Variants in TLCD2 observed in about 807,000 individuals in gnomAD.
TLCD2 encodes the protein TLC domain containing 2.
Under a neutral mutation model 14.0 loss-of-function variants are expected in TLCD2, and 12 were observed. That is an observed-to-expected ratio of 0.86 (90% confidence interval 0.55 to 1.39). The LOEUF is 1.39. Ranked by LOEUF, TLCD2 falls within the 40% of genes most tolerant of loss-of-function variation. TLCD2 has a pLI of 0.00. For synonymous variants in TLCD2, 166 were observed against 156.5 expected (o/e 1.06, Z -0.45); for missense variants, 360 against 346.8 (o/e 1.04, Z -0.30).
At position 1,707,475 on chromosome 17, in the gene TLCD2, A is replaced by C. The variant is rs1027855126; in HGVS notation, c.*295T>G. The stretch of plus-strand genomic sequence containing the variant: ...TCCACTGGCAGTTTCTTCCAGCTGC[A>C]TGCCTCCTGCCACCCTTTACTGATA... On this transcript the variant is annotated 3_prime_UTR_variant, in exon 4 of 4. Coordinates refer to ENST00000330676, the MANE Select transcript of TLCD2 (RefSeq NM_001164407.2). 2 of 379,536 alleles carry C rather than the reference A, an allele frequency of 5.3e-6. No homozygotes were observed. The highest frequency in any genetic ancestry group is 9.5e-6 in the Non-Finnish European group (2 of 211,420). The allele number at this position is 379,536 out of a possible 1,614,324, so 23.5% of individuals were successfully genotyped here. A position where few individuals can be genotyped will look rare whatever the true frequency, so the allele number is the denominator to read the frequency against.
In TLCD2 at chr17:1,710,268, G is replaced by A; in HGVS notation, c.-26C>T. ...GGCCTGGCGGTTGGGGGGTTGCGGG[G>A]AGTCCGGGTCGGTCCCCTCGGCGCC... On this transcript the variant is annotated 5_prime_UTR_variant, in exon 1 of 4. Transcript: ENST00000330676. The surrounding 1 kb of genome is among the most constrained non-coding windows in gnomAD (Gnocchi z 6.1). The A allele has an allele frequency of 6.7e-7, 1 of 1,501,420 alleles. No individual in the cohort carries two copies. The highest frequency in any genetic ancestry group is 8.8e-7 in the Non-Finnish European group (1 of 1,132,858). The allele number at this position is 1,501,420 out of a possible 1,614,324, so 93.0% of individuals were successfully genotyped here. A position where few individuals can be genotyped will look rare whatever the true frequency, so the allele number is the denominator to read the frequency against.
Position 1,704,240 on chromosome 17 carries a change from AAAG to A in TLCD2, c.*3527_*3529del, listed in dbSNP as rs1555558338. ...AACTGTCTCAAAAAAAAAAAAAAAA[AAAG>A]AAGAAAAGAAAGAAAAAAGAAAATT... is the stretch of plus-strand genomic sequence containing the variant. On this transcript the variant is annotated 3_prime_UTR_variant, in exon 4 of 4. Coordinates refer to ENST00000330676, the MANE Select transcript of TLCD2 (RefSeq NM_001164407.2). The A allele has an allele frequency of 6.7e-6, 1 of 148,162 alleles. No homozygotes were observed. The highest frequency in any genetic ancestry group is 1.5e-5 in the Non-Finnish European group (1 of 67,228). The allele number at this position is 148,162 out of a possible 1,614,324, so 9.2% of individuals were successfully genotyped here. A position where few individuals can be genotyped will look rare whatever the true frequency, so the allele number is the denominator to read the frequency against.
intron 3 of TLCD2, among the ~76,000 whole-genome samples, chr17:1,708,605 G>A (rs1914117529): frequency 6.7e-6 from 1 of 149,324 alleles, no homozygotes; most frequent in Non-Finnish European, 1.5e-5. Context: ...TCCTGCCTCA[G>A]CTTCCAGAGT....
At chr17:1,708,934 C>A (rs992325166) in intron 3 of TLCD2, among the ~76,000 whole-genome samples, 1 of 151,886 alleles carries the variant, frequency 6.6e-6, no homozygotes, top group African/African-American at 2.4e-5. Context: ...ATGGTGGGTG[C>A]CCTTGTATGG....
Position 1,709,816 on chromosome 17 carries a change from C to T in TLCD2, c.247G>A (p.Ala83Thr). 6.5e-7 allele frequency: 1 copy of T among 1,532,414 alleles called. No individual in the cohort carries two copies. Among genetic ancestry groups the T allele is most frequent in the Middle Eastern group, 1.7e-4 (1 of 5,920 alleles). 94.9% of individuals were successfully genotyped at this position (1,532,414 alleles called of 1,614,324 possible). A position where few individuals can be genotyped will look rare whatever the true frequency, so the allele number is the denominator to read the frequency against. ...CCTGCAGACTCACCCACAGACACAGCCACCAGCACCAGAGCCCAGCGCGGG... is the reference window on the plus strand; with the variant it reads ...CCTGCAGACTCACCCACAGACACAGTCACCAGCACCAGAGCCCAGCGCGGG... ...GHPRWALVLV[A>T]VSVGYFLADG... Residue 83 changes from alanine (A) to threonine (T), a missense_variant, in exon 2 of 4, where the codon GCT becomes ACT. Ala to Thr is a moderately conservative substitution (Grantham distance 58, BLOSUM62 0). Transcript: ENST00000330676.
rs1259148041 is a variant in TLCD2 at position 1,707,140 on chromosome 17, C to T, written c.*630G>A. Reference sequence around the variant, plus strand: ...CGAAATCGTGCCACTACACTCCAGCCTGGGTGACAGAGTAAGATTCCGTCT... The same window carrying T: ...CGAAATCGTGCCACTACACTCCAGCTTGGGTGACAGAGTAAGATTCCGTCT... On this transcript the variant is annotated 3_prime_UTR_variant, in exon 4 of 4. Transcript: ENST00000330676. The T allele has an allele frequency of 2.0e-5, 3 of 151,822 alleles. No individual in the cohort carries two copies. Among genetic ancestry groups the T allele is most frequent in the African/African-American group, 7.3e-5 (3 of 41,262 alleles). The allele number at this position is 151,822 out of a possible 1,614,324, so 9.4% of individuals were successfully genotyped here. A position where few individuals can be genotyped will look rare whatever the true frequency, so the allele number is the denominator to read the frequency against.
chr17:1,706,265 C>G lies in TLCD2; in HGVS notation c.*1505G>C, dbSNP rs1044808300. 3.3e-5 allele frequency: 5 copies of G among 152,400 alleles called. No individual in the cohort carries two copies. Among genetic ancestry groups the G allele is most frequent in the Admixed American group, 2.6e-4 (4 of 15,274 alleles). The allele number at this position is 152,400 out of a possible 1,614,324, so 9.4% of individuals were successfully genotyped here. The stretch of plus-strand genomic sequence containing the variant: ...CTGGGATTACAGGCGTGAGCTGCTG[C>G]GCCCAGCCAGAGGGCCAGCTATTCC... On this transcript the variant is annotated 3_prime_UTR_variant, in exon 4 of 4. Transcript: ENST00000330676.
At position 1,709,564 on chromosome 17, in the gene TLCD2, C is replaced by G; in HGVS notation, c.277G>C (p.Gly93Arg). The change falls in exon 3 of 4, where the codon GGA becomes CGA. Residue 93 changes from glycine (G) to arginine (R), a missense_variant. Gly to Arg is a moderately radical substitution (Grantham distance 125). Transcript: ENST00000330676. ...AVSVGYFLAD[G>R]ADLLWNQTLG... ...GTCTGGTTCCACAGCAGGTCAGCTC[C>G]GTCTGCCAGGAAGTAACCTGTGGGC... 1 of 1,537,118 alleles carries G rather than the reference C, an allele frequency of 6.5e-7. No homozygotes were observed. Among genetic ancestry groups the G allele is most frequent in the Non-Finnish European group, 8.7e-7 (1 of 1,146,868 alleles).
chr17:1,707,564 T>G lies in TLCD2; in HGVS notation c.*206A>C. Reference sequence around the variant, plus strand: ...ATGCTCATCTGATGACGGATTTCAGTGAACAGAAACCCAGGTTCCCACCCA... The same window carrying G: ...ATGCTCATCTGATGACGGATTTCAGGGAACAGAAACCCAGGTTCCCACCCA... On this transcript the variant is annotated 3_prime_UTR_variant, in exon 4 of 4. Transcript: ENST00000330676. The G allele has an allele frequency of 2.0e-6, 1 of 507,048 alleles. No individual in the cohort carries two copies. 31.4% of individuals were successfully genotyped at this position (507,048 alleles called of 1,614,324 possible). A position where few individuals can be genotyped will look rare whatever the true frequency, so the allele number is the denominator to read the frequency against.
At position 1,707,410 on chromosome 17, in the gene TLCD2, T is replaced by C. The variant is rs1914067797; in HGVS notation, c.*360A>G. On this transcript the variant is annotated 3_prime_UTR_variant, in exon 4 of 4. Transcript: ENST00000330676. ...CTCTGATCCTAGTGGGACTTCACCT[T>C]CCCCCATCTGTCCCTGGGTTAAAGC... 4.1e-6 allele frequency: 1 copy of C among 245,146 alleles called. No homozygotes were observed. Among genetic ancestry groups the C allele is most frequent in the Admixed American group, 4.9e-5 (1 of 20,212 alleles). The allele number at this position is 245,146 out of a possible 1,614,324, so 15.2% of individuals were successfully genotyped here.
chr17:1,709,894 C>T lies in TLCD2; in HGVS notation c.177-8G>A, dbSNP rs751251765. On this transcript the variant is annotated splice_polypyrimidine_tract_variant and splice_region_variant and intron_variant, in intron 1 of 3. Coordinates refer to ENST00000330676, the MANE Select transcript of TLCD2 (RefSeq NM_001164407.2). ...TGAGGGTACAGTGACAGGCTGGGGG[C>T]ATGGGGTGGGGACATGGGGGGGGGC... The T allele has an allele frequency of 3.5e-6, 5 of 1,426,916 alleles. 1 individual carries two copies. In the South Asian group the frequency reaches 6.2e-5, roughly 18 times the overall value. 88.4% of individuals were successfully genotyped at this position (1,426,916 alleles called of 1,614,324 possible). A position where few individuals can be genotyped will look rare whatever the true frequency, so the allele number is the denominator to read the frequency against.
At chr17:1,709,645 G>GCCCC in intron 2 of TLCD2, 64 bp from the exon 3 acceptor site, 2 of 1,367,620 alleles carry the variant, frequency 1.5e-6, no homozygotes, top group Non-Finnish European at 2.0e-6. Context: ...AGGATTTCCA[G>GCCCC]CCCCCCCGCC....
rs756128830 is a variant in TLCD2 at position 1,710,043 on chromosome 17, C to T, written c.176+24G>A. On this transcript the variant is annotated intron_variant, in intron 1 of 3. Transcript: ENST00000330676. This position sits in a 1 kb window ranked among gnomAD's most constrained non-coding sequence, Gnocchi z 6.1. ...TCCCACCCCTCGCCCTCGCCCCGTG[C>T]GCCTCGAGCCCCCAAGCCCGCACCC... is the stretch of plus-strand genomic sequence containing the variant. The T allele has an allele frequency of 2.6e-6, 4 of 1,530,802 alleles. No homozygotes were observed. In the South Asian group the frequency reaches 3.6e-5, roughly 14 times the overall value. 94.8% of individuals were successfully genotyped at this position (1,530,802 alleles called of 1,614,324 possible). A position where few individuals can be genotyped will look rare whatever the true frequency, so the allele number is the denominator to read the frequency against.
intron 1 of TLCD2, 78 bp from the exon 2 acceptor site, chr17:1,709,964 C>G: frequency 6.6e-7 from 1 of 1,508,318 alleles, no homozygotes; most frequent in Non-Finnish European, 8.9e-7. Context: ...CCTGTGCGCA[C>G]CCCCACCCCA....
Position 1,705,947 on chromosome 17 carries a change from G to A in TLCD2, c.*1823C>T, listed in dbSNP as rs1449639330. The stretch of plus-strand genomic sequence containing the variant: ...CAGGGAGGAAGAAGACTTTATGAAT[G>A]TATCTCAGAAAAGTCCCAGCTCTTC... On this transcript the variant is annotated 3_prime_UTR_variant, in exon 4 of 4. Transcript: ENST00000330676. The A allele has an allele frequency of 6.6e-6, 1 of 151,624 alleles. No individual in the cohort carries two copies. The highest frequency in any genetic ancestry group is 1.5e-5 in the Non-Finnish European group (1 of 67,950). The allele number at this position is 151,624 out of a possible 1,614,324, so 9.4% of individuals were successfully genotyped here. A position where few individuals can be genotyped will look rare whatever the true frequency, so the allele number is the denominator to read the frequency against.
rs1441570051 is a variant in TLCD2, at chr17:1,703,018, G to A, written c.*4752C>T. ...GTCTGGCGAAGCACCACTGTGCTAA[G>A]CAGACTCCTACCAAATGGAGCATCT... On this transcript the variant is annotated 3_prime_UTR_variant, in exon 4 of 4. Transcript: ENST00000330676. 2.0e-5 allele frequency: 3 copies of A among 151,970 alleles called. No homozygotes were observed. Among genetic ancestry groups the A allele is most frequent in the Admixed American group, 1.3e-4 (2 of 15,260 alleles). The allele number at this position is 151,970 out of a possible 1,614,324, so 9.4% of individuals were successfully genotyped here.
rs1914178992 is a variant in TLCD2 at position 1,710,126 on chromosome 17, C to G, written c.117G>C (p.Trp39Cys). ...PESAARDRWQ[W>C]WNLCVSLAHS... ...GCGCCAGGGAGACGCAGAGGTTCCACCACTGCCAGCGGTCCCGAGCGGCCG... is the reference window on the plus strand; with the variant it reads ...GCGCCAGGGAGACGCAGAGGTTCCAGCACTGCCAGCGGTCCCGAGCGGCCG... The change falls in exon 1 of 4, where the codon TGG becomes TGC. Residue 39 changes from tryptophan to cysteine, a missense_variant. Coordinates refer to ENST00000330676, the MANE Select transcript of TLCD2 (RefSeq NM_001164407.2). This position sits in a 1 kb window ranked among gnomAD's most constrained non-coding sequence, Gnocchi z 6.1. 6.5e-7 allele frequency: 1 copy of G among 1,533,496 alleles called. No individual in the cohort carries two copies. The highest frequency in any genetic ancestry group is 1.4e-5 in the African/African-American group (1 of 72,924). 95.0% of individuals were successfully genotyped at this position (1,533,496 alleles called of 1,614,324 possible).
intron 2 of TLCD2, 108 bp from the exon 3 acceptor site, chr17:1,709,689 T>A: frequency 9.5e-7 from 1 of 1,052,068 alleles, no homozygotes; most frequent in Non-Finnish European, 1.3e-6. Flanking sequence ...TTTCCCTTGG[T>A]AAAGCCTTCA....
intron 3 of TLCD2, among the ~76,000 whole-genome samples, chr17:1,708,528 C>A (rs1400384515): frequency 1.4e-5 from 2 of 144,362 alleles, no homozygotes; most frequent in African/African-American, 5.3e-5. Flanking sequence ...CACTCTGCCA[C>A]CAGGCTGGAG....
Sources: allele counts gnomAD v4.1 joint callset (sites outside exome capture counted in the v4.1 genomes callset), GRCh38; gene constraint gnomAD v4.1.1; non-coding constraint Gnocchi (gnomAD v3.1); transcripts MANE v1.5; gene names NCBI Gene and HGNC (gene_info 2026-07-23, HGNC 2026-07-21).